The following SLC1A3 variants were observed in gnomAD, a reference collection of about 807,000 sequenced individuals.
SLC1A3 encodes solute carrier family 1 member 3.
Under a neutral mutation model 48.1 loss-of-function variants are expected in SLC1A3, and 21 were observed. The observed-to-expected ratio is 0.44, with a 90% CI of 0.31 to 0.63. The LOEUF (loss-of-function observed/expected upper bound fraction) is 0.63, where lower values mean the gene tolerates loss of function less well. Ranked by LOEUF, SLC1A3 falls within the 20% of genes least tolerant of loss-of-function variation. The probability of loss-of-function intolerance (pLI) is 0.08; values close to 1 mark genes in which losing one functional copy is unlikely to be tolerated. For synonymous variants in SLC1A3, 239 were observed against 251.4 expected (o/e 0.95, Z 0.47); for missense variants, 546 against 689.0 (o/e 0.79, Z 2.32).
intron 2 of SLC1A3, chr5:36,609,158 T>G: frequency 4.1e-6 from 4 of 985,440 alleles, no homozygotes; most frequent in Non-Finnish European, 4.8e-6. Context: ...CACAGATCTC[T>G]TTCATTCATT....
chr5:36,650,687 A>G (rs1430330700), intron 3 of SLC1A3, among the ~76,000 whole-genome samples: 3 of 152,170 alleles, frequency 2.0e-5, no homozygotes, highest in Admixed American at 2.0e-4. Context: ...TTCAGTCATG[A>G]GAGATAGATA....
upstream of SLC1A3, among the ~76,000 whole-genome samples, chr5:36,604,537 C>G (rs1463928198): frequency 6.6e-6 from 1 of 152,140 alleles, no homozygotes; most frequent in Non-Finnish European, 1.5e-5. Flanking sequence ...TGAACTGAGA[C>G]TCTTTGCATC....
chr5:36,650,178 C>T (rs906594782), intron 3 of SLC1A3, among the ~76,000 whole-genome samples: 1 of 152,028 alleles, frequency 6.6e-6, no homozygotes, highest in African/African-American at 2.4e-5. Flanking sequence ...TCTACCTTGA[C>T]CTCTAACTCT....
At chr5:36,609,227 C>A (rs1739095881) in intron 2 of SLC1A3, 8 of 968,848 alleles carry the variant, frequency 8.3e-6, no homozygotes, top group Non-Finnish European at 2.5e-6. Flanking sequence ...CCATCTCTTA[C>A]TAATTTAGCA....
At chr5:36,679,149 T>G (rs1248865379) in intron 6 of SLC1A3, among the ~76,000 whole-genome samples, 1 of 152,146 alleles carries the variant, frequency 6.6e-6, no homozygotes, top group African/African-American at 2.4e-5. Context: ...GGAATCAGGC[T>G]CTGATGTGGA....
At chr5:36,609,380 C>T (rs1021207217) in intron 2 of SLC1A3, 10 of 409,392 alleles carry the variant, frequency 2.4e-5, no homozygotes, top group Non-Finnish European at 3.3e-5. Flanking sequence ...GAATTTTTGA[C>T]CAAACCAATA....
chr5:36,601,129 T>G (rs953658367), intron 1 of SLC1A3, among the ~76,000 whole-genome samples: 1 of 152,258 alleles, frequency 6.6e-6, no homozygotes, highest in Admixed American at 6.5e-5. Context: ...TTTTAAATTA[T>G]AATTACTTTT....
intron 3 of SLC1A3, among the ~76,000 whole-genome samples, chr5:36,633,575 G>A (rs187767586): frequency 1.8e-4 from 28 of 152,308 alleles, no homozygotes; most frequent in African/African-American, 6.7e-4. Flanking sequence ...CCAAGAAGAT[G>A]TATGTTGGGT....
chr5:36,643,862 C>T (rs1340361876), intron 3 of SLC1A3, among the ~76,000 whole-genome samples: 1 of 151,950 alleles, frequency 6.6e-6, no homozygotes, highest in Non-Finnish European at 1.5e-5. Flanking sequence ...GGCGTGGTGG[C>T]ATGAGCCTGT....
chr5:36,622,677 CT>C (rs1210639153), intron 2 of SLC1A3, among the ~76,000 whole-genome samples: 1 of 152,120 alleles, frequency 6.6e-6, no homozygotes, highest in Non-Finnish European at 1.5e-5. Context: ...CACGTTGTGT[CT>C]TAGTTTAGAA....
intron 8 of SLC1A3, among the ~76,000 whole-genome samples, chr5:36,682,185 T>A (rs1742465784): frequency 6.6e-6 from 1 of 152,220 alleles, no homozygotes; most frequent in Non-Finnish European, 1.5e-5. Context: ...AGATTTTACT[T>A]CCAGACCAAG....
At chr5:36,653,892 G>A (rs1383870127) in intron 3 of SLC1A3, among the ~76,000 whole-genome samples, 1 of 152,246 alleles carries the variant, frequency 6.6e-6, no homozygotes, top group African/African-American at 2.4e-5. Flanking sequence ...CGCCCAGACT[G>A]GAGTGCAGTG....
chr5:36,615,155 A>G (rs188000366), intron 2 of SLC1A3, among the ~76,000 whole-genome samples: 5 of 152,326 alleles, frequency 3.3e-5, no homozygotes, highest in African/African-American at 4.8e-5. Flanking sequence ...GGACGCAGCT[A>G]AGAAAGCATT....
chr5:36,606,203 T>C (rs1738932570), upstream of SLC1A3, among the ~76,000 whole-genome samples: 1 of 152,224 alleles, frequency 6.6e-6, no homozygotes, highest in African/African-American at 2.4e-5. Context: ...AAAAAGGAAC[T>C]TTCTCGTAAC....
intron 3 of SLC1A3, among the ~76,000 whole-genome samples, chr5:36,663,792 C>A (rs1029272556): frequency 3.3e-5 from 5 of 152,152 alleles, no homozygotes; most frequent in African/African-American, 4.8e-5. Context: ...AGGGTGAAAA[C>A]CCGTGTGAAA....
At chr5:36,639,234 G>C (rs532039457) in intron 3 of SLC1A3, among the ~76,000 whole-genome samples, 2 of 152,250 alleles carry the variant, frequency 1.3e-5, no homozygotes, top group East Asian at 3.9e-4. Flanking sequence ...TTATCTACAC[G>C]ATGGGGATAA....
At chr5:36,613,134 G>A (rs565886967) in intron 2 of SLC1A3, 13 of 258,446 alleles carry the variant, frequency 5.0e-5, no homozygotes, top group African/African-American at 1.6e-4. Flanking sequence ...TTTGTGGGGC[G>A]GGATGCCACC....
chr5:36,598,471 G>C (rs1423906674), intron 1 of SLC1A3, among the ~76,000 whole-genome samples: 1 of 152,126 alleles, frequency 6.6e-6, no homozygotes, highest in African/African-American at 2.4e-5. Flanking sequence ...AAGAGTGATT[G>C]CTCTGGAGAG....
chr5:36,610,607 T>C (rs1034340487), intron 2 of SLC1A3, among the ~76,000 whole-genome samples: 1 of 152,166 alleles, frequency 6.6e-6, no homozygotes, highest in African/African-American at 2.4e-5. Flanking sequence ...GAGAAGGAAG[T>C]TCCTAAGTCA....
Sources: allele counts gnomAD v4.1 joint callset (sites outside exome capture counted in the v4.1 genomes callset), GRCh38; gene constraint gnomAD v4.1.1; transcripts MANE v1.5; gene names NCBI Gene and HGNC (gene_info 2026-07-23, HGNC 2026-07-21).